Variants in PCSK6 observed in about 807,000 individuals in gnomAD.
PCSK6 encodes the protein paired basic amino acid cleaving enzyme 4.
A neutral mutation model predicts 123.3 loss-of-function variants in PCSK6; 85 were observed. The ratio of observed to expected loss-of-function variants is 0.69; its 90% CI spans 0.58 to 0.83. The LOEUF (loss-of-function observed/expected upper bound fraction) is 0.83. Among genes scored for constraint, PCSK6 ranks in the 40% least tolerant of loss-of-function variants. The probability of loss-of-function intolerance (pLI) is 0.00; values close to 1 mark genes in which losing one functional copy is unlikely to be tolerated. For missense variants in PCSK6, 1,191 were observed against 1,282.3 expected (o/e 0.93, Z 1.09); for synonymous variants, 508 against 516.0 (o/e 0.98, Z 0.21).
rs537946383 is a variant in PCSK6 at position 101,353,308 on chromosome 15, T to C, written c.1858+12888A>G. Among the ~76,000 whole-genome samples the C allele has an allele frequency of 7.9e-5, 12 of 152,298 alleles. No individual in the cohort carries two copies. The South Asian group carries it at 2.5e-3, about 32-fold the overall frequency. On this transcript the variant is annotated intron_variant, in intron 13 of 21. Transcript: ENST00000611716. ...TGGGGTTCGCACTCCTATGAGAATCTAGTGCCTTTGCCGATGTGACAGGAG... is the reference window on the plus strand; with the variant it reads ...TGGGGTTCGCACTCCTATGAGAATCCAGTGCCTTTGCCGATGTGACAGGAG...
At chr15:101,361,511 T>C (rs60620522) in intron 13 of PCSK6, among the ~76,000 whole-genome samples, 1,943 of 152,168 alleles carry the variant, frequency 0.013, 41 homozygotes, top group African/African-American at 0.044. Context: ...TGGGAAGCCC[T>C]AGGGACAGCT....
intron 11 of PCSK6, among the ~76,000 whole-genome samples, chr15:101,378,111 G>A (rs914837381): frequency 3.9e-5 from 6 of 152,140 alleles, no homozygotes; most frequent in East Asian, 3.9e-4. Context: ...TATTTCATTC[G>A]TTGGAATAAT....
intron 20 of PCSK6, chr15:101,312,986 C>A: frequency 1.8e-6 from 2 of 1,141,538 alleles, no homozygotes; most frequent in Non-Finnish European, 2.2e-6. Context: ...GCCTGGGCGA[C>A]AGAGTGAGAG....
intron 19 of PCSK6, among the ~76,000 whole-genome samples, chr15:101,314,564 T>G (rs2039944499): frequency 6.6e-6 from 1 of 152,162 alleles, no homozygotes; most frequent in South Asian, 2.1e-4. Flanking sequence ...GAAAATCCCT[T>G]TGCAGAGGTT....
In PCSK6 at chr15:101,322,567, C is replaced by A. The variant is rs1206869114; in HGVS notation, c.2418G>T (p.Lys806Asn). The change falls in exon 18 of 22, where the codon AAG (lysine) becomes AAT (asparagine). Residue 806 changes from lysine to asparagine, a missense_variant. Lys to Asn is a moderately conservative substitution (Grantham distance 94, BLOSUM62 0). Transcript: ENST00000611716. ...NCLKCHPSCKKCVDEPEKCTV... is the reference protein window; with the variant it reads ...NCLKCHPSCKNCVDEPEKCTV... Reference sequence around the variant, plus strand: ...TACATTTCTCAGGTTCATCCACGCACTTTTTACAGCTTGGGTGGCATTTAA... The same window carrying A: ...TACATTTCTCAGGTTCATCCACGCAATTTTTACAGCTTGGGTGGCATTTAA... 3 of 1,613,766 alleles carry A rather than the reference C, an allele frequency of 1.9e-6. No individual in the cohort carries two copies. The East Asian group carries it at 6.7e-5, about 36-fold the overall frequency.
intron 3 of PCSK6, 105 bp downstream of exon 3, chr15:101,431,885 T>C (rs577343185): frequency 1.2e-6 from 1 of 811,406 alleles, no homozygotes; most frequent in South Asian, 1.5e-5. Context: ...AGTGTGTCTG[T>C]CTGGAGATGT....
intron 13 of PCSK6, among the ~76,000 whole-genome samples, chr15:101,335,430 T>C (rs1567149125): frequency 6.6e-6 from 1 of 152,226 alleles, no homozygotes; most frequent in Non-Finnish European, 1.5e-5. Flanking sequence ...GAATAAGTAA[T>C]ATACAAGGAT....
At chr15:101,420,366 T>C (rs1311341623) in intron 6 of PCSK6, among the ~76,000 whole-genome samples, 1 of 152,130 alleles carries the variant, frequency 6.6e-6, no homozygotes, top group African/African-American at 2.4e-5. Flanking sequence ...ATAAGAACTT[T>C]ACTTTGTTTT....
chr15:101,309,834 C>T (rs1268057420), intron 20 of PCSK6, among the ~76,000 whole-genome samples: 4 of 152,152 alleles, frequency 2.6e-5, no homozygotes, highest in Non-Finnish European at 5.9e-5. Flanking sequence ...TGAGGGTGTC[C>T]GGCCCCTCTC....
intron 1 of PCSK6, among the ~76,000 whole-genome samples, chr15:101,484,880 G>A (rs941494726): frequency 6.6e-6 from 1 of 152,142 alleles, no homozygotes; most frequent in Non-Finnish European, 1.5e-5. Flanking sequence ...CTACTTCAGG[G>A]AAGGTGGGTT....
intron 13 of PCSK6, among the ~76,000 whole-genome samples, chr15:101,343,358 T>C (rs1459509790): frequency 6.6e-6 from 1 of 152,138 alleles, no homozygotes; most frequent in Non-Finnish European, 1.5e-5. Flanking sequence ...TGTTAATTTC[T>C]GCTATTTTAA....
intron 13 of PCSK6, chr15:101,346,266 G>A (rs1271830682): frequency 1.3e-5 from 2 of 152,274 alleles, no homozygotes; most frequent in East Asian, 1.9e-4. Flanking sequence ...TAAGCTGTCC[G>A]CTCATAATAG....
chr15:101,402,377 A>G (rs1383329456), intron 6 of PCSK6, among the ~76,000 whole-genome samples: 5 of 150,946 alleles, frequency 3.3e-5, no homozygotes, highest in Admixed American at 2.6e-4. Context: ...CTTCATGTCT[A>G]AAACACCAAA....
intron 12 of PCSK6, among the ~76,000 whole-genome samples, chr15:101,366,640 G>A (rs1476993040): frequency 6.6e-6 from 1 of 152,124 alleles, no homozygotes; most frequent in Non-Finnish European, 1.5e-5. Context: ...CTCACCAACA[G>A]AAGCCCCCAG....
chr15:101,418,900 C>T (rs2055984792), intron 6 of PCSK6, among the ~76,000 whole-genome samples: 1 of 152,122 alleles, frequency 6.6e-6, no homozygotes, highest in Non-Finnish European at 1.5e-5. Context: ...TCAATAGATA[C>T]TTTTAAATAT....
At chr15:101,410,549 C>G (rs28725233) in intron 6 of PCSK6, among the ~76,000 whole-genome samples, 2 of 152,150 alleles carry the variant, frequency 1.3e-5, no homozygotes, top group African/African-American at 2.4e-5. Flanking sequence ...ATTATCATAC[C>G]TTTTTAGGCC....
intron 13 of PCSK6, among the ~76,000 whole-genome samples, chr15:101,338,408 C>T (rs1318943839): frequency 3.3e-5 from 5 of 152,164 alleles, no homozygotes; most frequent in African/African-American, 7.2e-5. Flanking sequence ...CTCCCCAGGC[C>T]GGCCCCTCCA....
intron 1 of PCSK6, among the ~76,000 whole-genome samples, chr15:101,479,310 T>C (rs939748663): frequency 1.8e-4 from 28 of 152,200 alleles, no homozygotes. Flanking sequence ...ATATGGAAAG[T>C]GTCCTGAATG....
At chr15:101,409,734 G>A (rs2042890540) in intron 6 of PCSK6, among the ~76,000 whole-genome samples, 1 of 152,126 alleles carries the variant, frequency 6.6e-6, no homozygotes, top group Non-Finnish European at 1.5e-5. Flanking sequence ...AGTTAAAGGG[G>A]TGAGGGCTCC....
Sources: gnomAD v4.1 joint callset for allele counts (sites outside exome capture counted in the v4.1 genomes callset) on GRCh38, gnomAD v4.1.1 for gene constraint, MANE v1.5 for transcripts, NCBI Gene and HGNC (gene_info 2026-07-23, HGNC 2026-07-21) for gene names.